Variants in ZNF638 observed in about 807,000 individuals in gnomAD.
ZNF638 encodes CTCL tumor antigen se33-1.
In ZNF638, 46 loss-of-function variants were observed where a neutral mutation model predicts 195.6. The ratio of observed to expected loss-of-function variants is 0.24; its 90% CI spans 0.19 to 0.30. The LOEUF is 0.30. Among genes scored for constraint, ZNF638 ranks in the 10% least tolerant of loss-of-function variants. The pLI is 1.00. For missense variants in ZNF638, 2,440 were observed against 2,325.3 expected, an observed-to-expected ratio of 1.05 and a Z score of -1.01; for synonymous variants, 845 against 772.0, an observed-to-expected ratio of 1.09 and a Z score of -1.57.
intron 16 of ZNF638, among the ~76,000 whole-genome samples, chr2:71,402,744 G>C (rs2080032249): frequency 6.6e-6 from 1 of 152,138 alleles, no homozygotes; most frequent in African/African-American, 2.4e-5. Context: ...TAGAAAGTAT[G>C]TTTAATTGAG....
intron 10 of ZNF638, among the ~76,000 whole-genome samples, chr2:71,394,966 A>T (rs1472288203): frequency 6.6e-6 from 1 of 152,228 alleles, no homozygotes; most frequent in African/African-American, 2.4e-5. Context: ...GAGCATAAGC[A>T]TATCTGTGTC....
At chr2:71,337,913 T>G (rs1336107178) in intron 1 of ZNF638, among the ~76,000 whole-genome samples, 3 of 152,212 alleles carry the variant, frequency 2.0e-5, no homozygotes, top group Non-Finnish European at 4.4e-5. Flanking sequence ...TTTTGAAGAA[T>G]ACAATCTGCT....
intron 6 of ZNF638, among the ~76,000 whole-genome samples, chr2:71,367,431 ATT>A (rs3077439): frequency 1.4e-4 from 16 of 112,692 alleles, no homozygotes; most frequent in Non-Finnish European, 2.1e-4. Flanking sequence ...GGGTGTTTTA[ATT>A]TTTTTTTTTT....
At chr2:71,405,117 T>C (rs2080080882) in intron 17 of ZNF638, among the ~76,000 whole-genome samples, 1 of 152,338 alleles carries the variant, frequency 6.6e-6, no homozygotes, top group Non-Finnish European at 1.5e-5. Context: ...ACACAAAGCC[T>C]TCCATTAGTT....
At chr2:71,342,421 C>G (rs756640727) in intron 1 of ZNF638, among the ~76,000 whole-genome samples, 20 of 152,232 alleles carry the variant, frequency 1.3e-4, no homozygotes, top group Non-Finnish European at 2.2e-4. Context: ...TTCACTCTTT[C>G]CCTCACCTCC....
intron 20 of ZNF638, among the ~76,000 whole-genome samples, chr2:71,417,140 A>C (rs3982217): frequency 1.3e-5 from 2 of 149,680 alleles, no homozygotes; most frequent in African/African-American, 4.9e-5. Flanking sequence ...TTCCGTGGGC[A>C]TAGGACCCTC....
intron 3 of ZNF638, among the ~76,000 whole-genome samples, chr2:71,358,786 T>C (rs1263201305): frequency 6.6e-6 from 1 of 152,158 alleles, no homozygotes; most frequent in Non-Finnish European, 1.5e-5. Context: ...CAGGACTCTT[T>C]CCTATCGGTG....
chr2:71,341,297 ATG>A (rs2078758072), intron 1 of ZNF638, among the ~76,000 whole-genome samples: 2 of 152,242 alleles, frequency 1.3e-5, no homozygotes, highest in Non-Finnish European at 2.9e-5. Context: ...AAGGACATAA[ATG>A]AGAGTTATTA....
Position 71,349,540 on chromosome 2 carries a change from AAAG to A in ZNF638, c.589_591del (p.Glu197del), listed in dbSNP as rs1236703412. The A allele has an allele frequency of 1.2e-6, 2 of 1,614,100 alleles. No individual in the cohort carries two copies. The highest frequency in any genetic ancestry group is 1.7e-6 in the Non-Finnish European group (2 of 1,180,034). On this transcript the variant is annotated inframe_deletion, in exon 2 of 28. Transcript: ENST00000264447. The stretch of plus-strand genomic sequence containing the variant: ...TAATTTACCTTCTCAGAGCAGAAAT[AAAG>A]AAACACTTGGTAGTGAAGCAGTTTC...
chr2:71,418,891 A>T (rs2080361802), intron 21 of ZNF638, among the ~76,000 whole-genome samples: 1 of 152,222 alleles, frequency 6.6e-6, no homozygotes, highest in Non-Finnish European at 1.5e-5. Flanking sequence ...AACAGTTTGA[A>T]TTAAATAAAC....
intron 2 of ZNF638, among the ~76,000 whole-genome samples, chr2:71,351,655 G>T (rs1230305684): frequency 6.6e-6 from 1 of 152,094 alleles, no homozygotes; most frequent in African/African-American, 2.4e-5. Context: ...GAGTAGAAAA[G>T]GTGTACATTT....
chr2:71,351,560 T>A (rs993640435), intron 2 of ZNF638, among the ~76,000 whole-genome samples: 18 of 152,234 alleles, frequency 1.2e-4, no homozygotes, highest in Admixed American at 1.1e-3. Context: ...TAATTTTTTT[T>A]AATTGATTTT....
In ZNF638 at chr2:71,423,703, G is replaced by T; in HGVS notation, c.4189G>T (p.Val1397Phe). 6.2e-7 allele frequency: 1 copy of T among 1,613,890 alleles called. No homozygotes were observed. The highest frequency in any genetic ancestry group is 8.5e-7 in the Non-Finnish European group (1 of 1,180,018). The change falls in exon 22 of 28, where the codon GTT (valine) becomes TTT (phenylalanine). Residue 1397 changes from valine to phenylalanine, a missense_variant. Physicochemically the swap from Val to Phe is conservative, Grantham distance 50 (BLOSUM62 -1). Coordinates refer to ENST00000264447, the MANE Select transcript of ZNF638 (RefSeq NM_014497.5). ...VSSSKPSIKAVIVSSPKAKAT... is the reference protein window; with the variant it reads ...VSSSKPSIKAFIVSSPKAKAT... ...TAGCAGTAAACCAAGCATCAAGGCT[G>T]TTATAGTCTCTTCTCCTAAGGCAAA... is the stretch of plus-strand genomic sequence containing the variant.
chr2:71,374,521 A>C (rs1401865517), intron 8 of ZNF638, among the ~76,000 whole-genome samples: 5 of 152,142 alleles, frequency 3.3e-5, no homozygotes, highest in Non-Finnish European at 7.3e-5. Flanking sequence ...CCTGCACATT[A>C]GTTTTAGAAT....
chr2:71,407,562 T>C (rs932241687), intron 19 of ZNF638: 3 of 152,232 alleles, frequency 2.0e-5, no homozygotes, highest in Non-Finnish European at 4.4e-5. Flanking sequence ...TTGTAAGACA[T>C]AAATTTAACA....
chr2:71,350,098 C>A lies in ZNF638; in HGVS notation c.1144C>A (p.Arg382=). The part of the protein sequence containing the change: ...NYQSQADIPI[R]SPFGIVKASW... ...CCAGTCACAGGCTGACATTCCCATTCGGTCTCCCTTTGGTATTGTGAAAGC... is the reference window on the plus strand; with the variant it reads ...CCAGTCACAGGCTGACATTCCCATTAGGTCTCCCTTTGGTATTGTGAAAGC... Residue 382 remains arginine, a synonymous_variant, in exon 2 of 28, where the codon CGG becomes AGG. Coordinates refer to ENST00000264447, the MANE Select transcript of ZNF638 (RefSeq NM_014497.5). The A allele has an allele frequency of 1.9e-6, 3 of 1,614,142 alleles. No individual in the cohort carries two copies. The highest frequency in any genetic ancestry group is 2.5e-6 in the Non-Finnish European group (3 of 1,180,036).
chr2:71,352,600 G>C (rs777507143), intron 2 of ZNF638, among the ~76,000 whole-genome samples: 1 of 152,020 alleles, frequency 6.6e-6, no homozygotes, highest in Non-Finnish European at 1.5e-5. Flanking sequence ...AGTTGGGAAA[G>C]AGTGATGAGC....
chr2:71,434,863 T>C lies in ZNF638; in HGVS notation c.*56T>C. 7.0e-7 allele frequency: 1 copy of C among 1,427,372 alleles called. No individual in the cohort carries two copies. The highest frequency in any genetic ancestry group is 9.5e-7 in the Non-Finnish European group (1 of 1,047,878). 88.4% of individuals were successfully genotyped at this position (1,427,372 alleles called of 1,614,324 possible). A position where few individuals can be genotyped will look rare whatever the true frequency, so the allele number is the denominator to read the frequency against. The stretch of plus-strand genomic sequence containing the variant: ...TTGTTTAGGGTCCAGTTGATTTGTG[T>C]ATTTTTGTTATCATTTAATTTGTAA... On this transcript the variant is annotated 3_prime_UTR_variant, in exon 28 of 28. Transcript: ENST00000264447.
chr2:71,370,115 C>G, intron 8 of ZNF638, 110 bp downstream of exon 8: 1 of 1,191,352 alleles, frequency 8.4e-7, no homozygotes, highest in South Asian at 1.4e-5. Flanking sequence ...AATGTTAGCT[C>G]AACACATTAT....
Sources: allele counts gnomAD v4.1 joint callset (sites outside exome capture counted in the v4.1 genomes callset), GRCh38; gene constraint gnomAD v4.1.1; transcripts MANE v1.5; gene names NCBI Gene and HGNC (gene_info 2026-07-23, HGNC 2026-07-21).